The following CTNNA3 variants were observed in gnomAD, a reference collection of about 807,000 sequenced individuals.
CTNNA3 encodes the protein catenin alpha-3.
In CTNNA3, 76 loss-of-function variants were observed where a neutral mutation model predicts 95.7. That is an observed-to-expected ratio of 0.79 (90% CI 0.66 to 0.96). CTNNA3 has a LOEUF of 0.96. Ranked by LOEUF, CTNNA3 falls within the 40% of genes least tolerant of loss-of-function variation. CTNNA3 has a pLI of 0.00. For synonymous variants in CTNNA3, 431 were observed against 374.4 expected (o/e 1.15, Z -1.74); for missense variants, 1,191 against 1,089.8 (o/e 1.09, Z -1.31).
At chr10:66,865,224 G>A (rs1844126235) in intron 7 of CTNNA3, among the ~76,000 whole-genome samples, 1 of 151,690 alleles carries the variant, frequency 6.6e-6, no homozygotes, top group African/African-American at 2.4e-5. Context: ...GTGTGTGTGT[G>A]TGTGTGTGTG....
At chr10:66,754,429 A>G (rs1260587342) in intron 9 of CTNNA3, among the ~76,000 whole-genome samples, 1 of 152,214 alleles carries the variant, frequency 6.6e-6, no homozygotes, top group Non-Finnish European at 1.5e-5. Flanking sequence ...AAATATAAAA[A>G]TAAATCTTTA....
At chr10:66,664,205 C>T (rs1361741518) in intron 9 of CTNNA3, among the ~76,000 whole-genome samples, 1 of 152,052 alleles carries the variant, frequency 6.6e-6, no homozygotes, top group Non-Finnish European at 1.5e-5. Flanking sequence ...CCCCCAGACA[C>T]TTTTATATAA....
intron 5 of CTNNA3, among the ~76,000 whole-genome samples, chr10:67,301,176 C>T (rs567492496): frequency 1.3e-5 from 2 of 152,124 alleles, no homozygotes; most frequent in East Asian, 3.9e-4. Context: ...TTCGTTTGTC[C>T]ACACATGTCC....
intron 7 of CTNNA3, among the ~76,000 whole-genome samples, chr10:66,889,299 G>A (rs1026495794): frequency 6.6e-6 from 1 of 152,180 alleles, no homozygotes; most frequent in Non-Finnish European, 1.5e-5. Flanking sequence ...TGTAATGGTA[G>A]ATACATGTCA....
At chr10:66,684,546 T>C (rs1175610030) in intron 9 of CTNNA3, among the ~76,000 whole-genome samples, 1 of 152,156 alleles carries the variant, frequency 6.6e-6, no homozygotes, top group African/African-American at 2.4e-5. Context: ...GCTTTCTTTT[T>C]CAGCAGTCTT....
chr10:66,570,653 C>T (rs571742503), intron 10 of CTNNA3, among the ~76,000 whole-genome samples: 1 of 151,386 alleles, frequency 6.6e-6, no homozygotes, highest in South Asian at 2.1e-4. Flanking sequence ...TTTTAAAAAC[C>T]ACTTGATTTC....
chr10:66,125,940 T>A (rs2082811830), intron 13 of CTNNA3, among the ~76,000 whole-genome samples: 1 of 152,196 alleles, frequency 6.6e-6, no homozygotes, highest in African/African-American at 2.4e-5. Context: ...GACATACCTT[T>A]GTCAAAAGCC....
At chr10:66,276,940 T>G (rs967799280) in intron 13 of CTNNA3, among the ~76,000 whole-genome samples, 1 of 152,116 alleles carries the variant, frequency 6.6e-6, no homozygotes, top group Non-Finnish European at 1.5e-5. Context: ...AAGATTTGTT[T>G]CTTGCTTTAG....
chr10:66,580,327 A>G (rs894877600), intron 10 of CTNNA3, among the ~76,000 whole-genome samples: 1 of 151,594 alleles, frequency 6.6e-6, no homozygotes, highest in Admixed American at 6.6e-5. Flanking sequence ...AATGGGGTAC[A>G]TGTGCTATCT....
chr10:66,128,715 G>A (rs1158971758), intron 13 of CTNNA3, among the ~76,000 whole-genome samples: 2 of 152,130 alleles, frequency 1.3e-5, no homozygotes, highest in African/African-American at 2.4e-5. Flanking sequence ...TTATGATGGT[G>A]TTTAATGTCC....
chr10:66,982,593 G>A (rs1273201885), intron 7 of CTNNA3, among the ~76,000 whole-genome samples: 1 of 151,992 alleles, frequency 6.6e-6, no homozygotes, highest in Non-Finnish European at 1.5e-5. Flanking sequence ...TAAAACAGTA[G>A]GTACTGAAAT....
chr10:66,098,277 A>G (rs183658498), intron 14 of CTNNA3, among the ~76,000 whole-genome samples: 1 of 152,312 alleles, frequency 6.6e-6, no homozygotes, highest in Non-Finnish European at 1.5e-5. Context: ...GGATGATGAG[A>G]CTATTCCAGT....
At chr10:67,008,199 G>A (rs1206518594) in intron 7 of CTNNA3, among the ~76,000 whole-genome samples, 1 of 151,234 alleles carries the variant, frequency 6.6e-6, no homozygotes. Flanking sequence ...TAAAAAGTTG[G>A]GACCATTACT....
intron 7 of CTNNA3, among the ~76,000 whole-genome samples, chr10:66,842,991 C>G (rs906822619): frequency 3.3e-5 from 5 of 152,134 alleles, no homozygotes; most frequent in Non-Finnish European, 5.9e-5. Context: ...CAAAGAGTCA[C>G]TTAGTGTACA....
At chr10:66,588,744 G>T (rs1843446070) in intron 10 of CTNNA3, among the ~76,000 whole-genome samples, 1 of 152,086 alleles carries the variant, frequency 6.6e-6, no homozygotes, top group Non-Finnish European at 1.5e-5. Flanking sequence ...TAAAAGACAA[G>T]AAATTTCTTG....
intron 1 of CTNNA3, among the ~76,000 whole-genome samples, chr10:67,712,619 T>C (rs1203252608): frequency 6.6e-6 from 1 of 152,194 alleles, no homozygotes; most frequent in Non-Finnish European, 1.5e-5. Context: ...CACATGGTGT[T>C]GAGCCTGCAA....
intron 9 of CTNNA3, among the ~76,000 whole-genome samples, chr10:66,644,319 TATATAAA>T (rs1564589959): frequency 1.4e-5 from 2 of 146,822 alleles, no homozygotes; most frequent in Non-Finnish European, 1.5e-5. Context: ...TATATATATA[TATATAAA>T]ATAATACTTT....
chr10:66,366,467 G>C (rs1297463161), intron 12 of CTNNA3, among the ~76,000 whole-genome samples: 1 of 152,060 alleles, frequency 6.6e-6, no homozygotes, highest in Non-Finnish European at 1.5e-5. Context: ...TAAGTGGTAG[G>C]ACCTTTAAAA....
rs546188476 is a variant in CTNNA3, at chr10:67,204,982, T to C, written c.843+14625A>G. On this transcript the variant is annotated intron_variant, in intron 6 of 17. Transcript: ENST00000433211. ...TAGTGATGTTATCTGCAGGAGTAAT[T>C]GCGGGAGTTGCAAATCTTGTGACCT... 8.0e-4 allele frequency among the ~76,000 whole-genome samples: 122 copies of C among 152,296 alleles called. 1 individual carries two copies. The highest frequency in any genetic ancestry group is 2.8e-3 in the African/African-American group (118 of 41,584).
Sources: gnomAD v4.1 joint callset for allele counts (sites outside exome capture counted in the v4.1 genomes callset) on GRCh38, gnomAD v4.1.1 for gene constraint, MANE v1.5 for transcripts, NCBI Gene and HGNC (gene_info 2026-07-23, HGNC 2026-07-21) for gene names.